HDAC9: variants seen among roughly 807,000 people sequenced by gnomAD.
HDAC9 encodes MEF-2 interacting transcription repressor (MITR) protein.
In HDAC9, 41 loss-of-function variants were observed where a neutral mutation model predicts 139.4. The ratio of observed to expected loss-of-function variants is 0.29; its 90% CI spans 0.23 to 0.38. The LOEUF is 0.38. HDAC9 is among the 10% of genes least tolerant of loss of function. The pLI, the probability that HDAC9 is intolerant of heterozygous loss-of-function variation, is 1.00. For missense variants in HDAC9, 1,147 were observed against 1,297.0 expected (o/e 0.88, Z 1.78); for synonymous variants, 517 against 476.2 (o/e 1.09, Z -1.12).
chr7:18,820,569 CG>C (rs1794888581), intron 17 of HDAC9, among the ~76,000 whole-genome samples: 1 of 152,034 alleles, frequency 6.6e-6, no homozygotes, highest in Admixed American at 6.6e-5. Context: ...GGTGCAAAAT[CG>C]GGGGCCCTTG....
At chr7:18,904,116 TA>T (rs1234320688) in intron 22 of HDAC9, among the ~76,000 whole-genome samples, 1 of 152,236 alleles carries the variant, frequency 6.6e-6, no homozygotes, top group East Asian at 1.9e-4. Context: ...TTCCTTGGAT[TA>T]AAAATATGTA....
intron 1 of HDAC9, among the ~76,000 whole-genome samples, chr7:18,335,135 G>A (rs1381350056): frequency 6.6e-6 from 1 of 151,384 alleles, no homozygotes; most frequent in Non-Finnish European, 1.5e-5. Context: ...AGTGAGAATT[G>A]TCAACTTACT....
At chr7:18,307,277 G>A (rs745404752) in intron 1 of HDAC9, among the ~76,000 whole-genome samples, 15 of 152,016 alleles carry the variant, frequency 9.9e-5, no homozygotes, top group Admixed American at 3.9e-4. Flanking sequence ...ATTTATACCT[G>A]TTAATCCATG....
intron 1 of HDAC9, among the ~76,000 whole-genome samples, chr7:18,482,538 A>G (rs1032682701): frequency 1.3e-5 from 2 of 151,774 alleles, no homozygotes; most frequent in African/African-American, 4.8e-5. Flanking sequence ...TTGAGATGTT[A>G]TTAGAGTTAT....
At chr7:18,981,902 T>A (rs532635462) in intron 25 of HDAC9, among the ~76,000 whole-genome samples, 215 of 151,710 alleles carry the variant, frequency 1.4e-3, no homozygotes, top group African/African-American at 5.0e-3. Flanking sequence ...TCAACTATAA[T>A]AAATGACAAG....
intron 1 of HDAC9, among the ~76,000 whole-genome samples, chr7:18,364,412 C>G (rs1164170942): frequency 1.3e-5 from 2 of 151,686 alleles, no homozygotes; most frequent in African/African-American, 4.8e-5. Context: ...AACATTTAGG[C>G]ACAAGGAAGG....
chr7:18,110,372 G>C lies in HDAC9; in HGVS notation c.-97+23159G>C, dbSNP rs1169636449. Among the ~76,000 whole-genome samples the C allele has an allele frequency of 2.0e-5, 3 of 152,202 alleles. No individual in the cohort carries two copies. The East Asian group carries it at 5.8e-4, about 29-fold the overall frequency. On this transcript the variant is annotated intron_variant, in intron 1 of 12. Transcript: ENST00000417496. ...TACAGAGTGTTATCAAAGTACAGAG[G>C]AGGGGTCTTCCATAGGGGTCAAGAA...
At chr7:18,409,879 T>C (rs999465835) in intron 1 of HDAC9, among the ~76,000 whole-genome samples, 14 of 152,218 alleles carry the variant, frequency 9.2e-5, no homozygotes, top group Admixed American at 8.5e-4. Context: ...GAAGTAGATC[T>C]TTGTATCCAG....
At chr7:18,640,670 T>C (rs191489564) in intron 8 of HDAC9, among the ~76,000 whole-genome samples, 77 of 152,200 alleles carry the variant, frequency 5.1e-4, no homozygotes, top group South Asian at 2.1e-4. Flanking sequence ...CCATGAGTTT[T>C]AATGGGATAT....
chr7:18,675,204 A>G (rs1203093103), intron 12 of HDAC9, among the ~76,000 whole-genome samples: 1 of 152,004 alleles, frequency 6.6e-6, no homozygotes, highest in Admixed American at 6.6e-5. Context: ...TATGCATCAA[A>G]CCCTATGTAT....
intron 1 of HDAC9, among the ~76,000 whole-genome samples, chr7:18,319,957 G>A (rs1194135994): frequency 6.6e-6 from 1 of 152,032 alleles, no homozygotes; most frequent in African/African-American, 2.4e-5. Context: ...TTTTGTTGTT[G>A]TTGATGACCA....
intron 2 of HDAC9, among the ~76,000 whole-genome samples, chr7:18,184,381 CAA>C (rs1043616976): frequency 1.1e-4 from 16 of 152,072 alleles, no homozygotes; most frequent in Admixed American, 6.5e-5. Context: ...GCATGGGCAA[CAA>C]GAGTGAAACT....
At chr7:18,982,003 G>A (rs1375366623) in intron 25 of HDAC9, among the ~76,000 whole-genome samples, 1 of 151,990 alleles carries the variant, frequency 6.6e-6, no homozygotes, top group Non-Finnish European at 1.5e-5. Context: ...GCAAATCACA[G>A]AACCAGGGAG....
At chr7:18,421,112 G>T (rs550528399) in intron 1 of HDAC9, among the ~76,000 whole-genome samples, 8 of 152,076 alleles carry the variant, frequency 5.3e-5, no homozygotes, top group Non-Finnish European at 8.8e-5. Flanking sequence ...CCTTAAAATT[G>T]TGTATTCTTA....
At chr7:18,970,290 A>G (rs1275149389) in intron 24 of HDAC9, among the ~76,000 whole-genome samples, 2 of 152,114 alleles carry the variant, frequency 1.3e-5, no homozygotes, top group African/African-American at 4.8e-5. Context: ...TGCTTGTGTT[A>G]TTTTCTAAGG....
intron 13 of HDAC9, among the ~76,000 whole-genome samples, chr7:18,733,593 T>C (rs1227806468): frequency 1.3e-5 from 2 of 151,656 alleles, no homozygotes; most frequent in South Asian, 4.2e-4. Context: ...ATATCATGTA[T>C]CACATATCAT....
At chr7:18,313,961 T>C (rs1271442639) in intron 1 of HDAC9, among the ~76,000 whole-genome samples, 3 of 152,204 alleles carry the variant, frequency 2.0e-5, no homozygotes, top group African/African-American at 7.2e-5. Flanking sequence ...AAGTTGAATC[T>C]GTAATTTGGT....
chr7:18,473,985 G>A (rs1302193639), intron 1 of HDAC9, among the ~76,000 whole-genome samples: 1 of 152,166 alleles, frequency 6.6e-6, no homozygotes, highest in Non-Finnish European at 1.5e-5. Context: ...TTCTTAACTT[G>A]CCAAGCCCTT....
intron 1 of HDAC9, among the ~76,000 whole-genome samples, chr7:18,405,992 A>G (rs1787966786): frequency 6.6e-6 from 1 of 152,220 alleles, no homozygotes; most frequent in African/African-American, 2.4e-5. Context: ...CCTGTCTACC[A>G]GGAGTTATCA....
Sources: gnomAD v4.1 joint callset for allele counts (sites outside exome capture counted in the v4.1 genomes callset) on GRCh38, gnomAD v4.1.1 for gene constraint, MANE v1.5 for transcripts, NCBI Gene and HGNC (gene_info 2026-07-23, HGNC 2026-07-21) for gene names.